SLC36A4: variants seen among roughly 807,000 people sequenced by gnomAD.
The protein encoded by SLC36A4 is solute carrier family 36 member 4, also known as neutral amino acid uniporter 4.
SLC36A4 carries 49 observed loss-of-function variants against 50.5 expected under a neutral mutation model. The ratio of observed to expected loss-of-function variants is 0.97; its 90% CI spans 0.77 to 1.23. The LOEUF (loss-of-function observed/expected upper bound fraction) is 1.23, where lower values mean the gene tolerates loss of function less well. SLC36A4 is among the 50% of genes most tolerant of loss of function. The pLI, the probability that SLC36A4 is intolerant of heterozygous loss-of-function variation, is 0.00. For synonymous variants in SLC36A4, 207 were observed against 206.5 expected (o/e 1.00, Z -0.02); for missense variants, 611 against 608.4 (o/e 1.00, Z -0.05).
chr11:93,196,090 T>C (rs1862409945), intron 1 of SLC36A4, among the ~76,000 whole-genome samples: 1 of 152,214 alleles, frequency 6.6e-6, no homozygotes, highest in African/African-American at 2.4e-5. Flanking sequence ...GCTCAATGAA[T>C]ATGTGTTGAA....
chr11:93,174,468 G>C (rs1355547783), intron 6 of SLC36A4, among the ~76,000 whole-genome samples: 1 of 148,126 alleles, frequency 6.8e-6, no homozygotes, highest in Admixed American at 6.8e-5. Flanking sequence ...GCCCTGGCCA[G>C]AACTTCCAAC....
At chr11:93,184,732 A>T (rs1015366902) in intron 2 of SLC36A4, among the ~76,000 whole-genome samples, 1 of 152,214 alleles carries the variant, frequency 6.6e-6, no homozygotes, top group Non-Finnish European at 1.5e-5. Context: ...TGGATATTAA[A>T]TGACATAGTT....
intron 6 of SLC36A4, among the ~76,000 whole-genome samples, chr11:93,178,244 G>A (rs564904190): frequency 2.0e-5 from 3 of 152,272 alleles, no homozygotes; most frequent in Middle Eastern, 3.4e-3. Context: ...AAGACCGTTG[G>A]AAAAGCGCAT....
intron 6 of SLC36A4, among the ~76,000 whole-genome samples, chr11:93,175,072 G>T (rs1485291001): frequency 4.0e-5 from 6 of 151,678 alleles, no homozygotes; most frequent in Non-Finnish European, 7.4e-5. Flanking sequence ...GAATCCATCT[G>T]GTCCTGGACT....
At position 93,177,753 on chromosome 11, in the gene SLC36A4, C is replaced by T. The variant is rs562702544; in HGVS notation, c.540+3044G>A. On this transcript the variant is annotated intron_variant, in intron 6 of 10. Transcript: ENST00000326402. ...CTGGAAGCTTCGTCTCAGAGGGGGA[C>T]CCGGCTGTATGAGATATCAGTTGGC... Among the ~76,000 whole-genome samples the T allele has an allele frequency of 3.9e-5, 6 of 152,258 alleles. No homozygotes were observed. In the East Asian group the frequency reaches 1.2e-3, roughly 29 times the overall value.
In SLC36A4 at chr11:93,185,732, A is replaced by C; in HGVS notation, c.138T>G (p.Pro46=). The part of the protein sequence containing the change: ...SDEEHEQELL[P]VQKHYQLDDQ... ...CATCAAGTTGGTAATGCTTCTGAAC[A>C]GGCAGAAGCTCTTGCTCATGTTCTT... The change falls in exon 2 of 11, where the codon CCT becomes CCG. Residue 46 remains proline (P), a synonymous_variant. Coordinates refer to ENST00000326402, the MANE Select transcript of SLC36A4 (RefSeq NM_152313.4). The C allele has an allele frequency of 1.2e-6, 2 of 1,606,446 alleles. No individual in the cohort carries two copies. Among genetic ancestry groups the C allele is most frequent in the South Asian group, 2.2e-5 (2 of 89,398 alleles).
intron 9 of SLC36A4, among the ~76,000 whole-genome samples, chr11:93,161,431 C>T (rs1040668891): frequency 1.3e-5 from 2 of 152,108 alleles, no homozygotes; most frequent in Non-Finnish European, 2.9e-5. Context: ...TTTATGTTAG[C>T]TGAAGTTAAA....
chr11:93,150,681 A>G (rs1860046055), intron 10 of SLC36A4, among the ~76,000 whole-genome samples: 1 of 152,068 alleles, frequency 6.6e-6, no homozygotes, highest in South Asian at 2.1e-4. Flanking sequence ...TATTCGTCTA[A>G]TAGATGCTTG....
Position 93,178,529 on chromosome 11 carries a change from G to A in SLC36A4, c.540+2268C>T, listed in dbSNP as rs191718457. ...TCCTATTGGTCATCTTGGAACCGGC[G>A]AGTAGTTTAATTTTTTTTTGCAGCT... is the stretch of plus-strand genomic sequence containing the variant. On this transcript the variant is annotated intron_variant, in intron 6 of 10. Coordinates refer to ENST00000326402, the MANE Select transcript of SLC36A4 (RefSeq NM_152313.4). Among the ~76,000 whole-genome samples the A allele has an allele frequency of 5.3e-4, 81 of 152,268 alleles. 1 individual carries two copies. The East Asian group carries it at 0.015, about 28-fold the overall frequency.
intron 9 of SLC36A4, among the ~76,000 whole-genome samples, chr11:93,156,535 T>A (rs972994986): frequency 1.3e-5 from 2 of 151,908 alleles, no homozygotes; most frequent in African/African-American, 4.8e-5. Flanking sequence ...TTCTCCTGCC[T>A]CAACCTCCCA....
chr11:93,163,777 T>TGTATGTATGTAG (rs1860738524), intron 8 of SLC36A4, among the ~76,000 whole-genome samples: 1 of 151,498 alleles, frequency 6.6e-6, no homozygotes, highest in African/African-American at 2.4e-5. Context: ...AGGATTCTCA[T>TGTATGTATGTAG]GTATGTATGT....
At position 93,146,380 on chromosome 11, in the gene SLC36A4, A is replaced by T. The variant is rs990417019; in HGVS notation, c.*2157T>A. On this transcript the variant is annotated 3_prime_UTR_variant, in exon 11 of 11. Transcript: ENST00000326402. Reference sequence around the variant, plus strand: ...TAAAGTTTTTTAAACATCTAATTCAAGATTATATAATACTAGTTTCAGTGA... The same window carrying T: ...TAAAGTTTTTTAAACATCTAATTCATGATTATATAATACTAGTTTCAGTGA... 1 of 152,016 alleles carries T rather than the reference A, an allele frequency of 6.6e-6. No homozygotes were observed. The highest frequency in any genetic ancestry group is 2.4e-5 in the African/African-American group (1 of 41,458). The allele number at this position is 152,016 out of a possible 1,614,324, so 9.4% of individuals were successfully genotyped here.
chr11:93,186,965 TG>T (rs1237431853), intron 1 of SLC36A4, among the ~76,000 whole-genome samples: 1 of 152,210 alleles, frequency 6.6e-6, no homozygotes, highest in Non-Finnish European at 1.5e-5. Context: ...GTTGCTGGTC[TG>T]GGGACCACAC....
At chr11:93,154,300 T>C (rs761729198) in intron 9 of SLC36A4, 23 bp from the exon 10 acceptor site, 47 of 1,212,496 alleles carry the variant, frequency 3.9e-5, no homozygotes, top group Non-Finnish European at 4.7e-5. Context: ...ATTTTCAAAA[T>C]TTAGTCATTT....
intron 1 of SLC36A4, among the ~76,000 whole-genome samples, chr11:93,193,439 C>T (rs903704165): frequency 6.6e-6 from 1 of 152,040 alleles, no homozygotes; most frequent in Non-Finnish European, 1.5e-5. Context: ...CTGGAAAATG[C>T]TGTGATTATT....
intron 8 of SLC36A4, among the ~76,000 whole-genome samples, chr11:93,165,544 A>T (rs898400729): frequency 6.6e-6 from 1 of 152,010 alleles, no homozygotes; most frequent in African/African-American, 2.4e-5. Context: ...TGGGATATAG[A>T]TTTTTTTTAA....
chr11:93,189,183 C>T (rs1230307060), intron 1 of SLC36A4, among the ~76,000 whole-genome samples: 1 of 151,986 alleles, frequency 6.6e-6, no homozygotes, highest in African/African-American at 2.4e-5. Flanking sequence ...CCTGCCTCAG[C>T]CTCCAGAGTA....
chr11:93,194,381 C>G (rs954877182), intron 1 of SLC36A4, among the ~76,000 whole-genome samples: 12 of 145,748 alleles, frequency 8.2e-5, no homozygotes, highest in African/African-American at 3.0e-4. Context: ...GAATAAAGTA[C>G]TCTCTAGATA....
chr11:93,152,265 T>C (rs767581876), intron 10 of SLC36A4: 84 of 152,106 alleles, frequency 5.5e-4, no homozygotes, highest in Non-Finnish European at 1.1e-3. Context: ...CATGACAAAG[T>C]CCCATCAACT....
Sources: allele counts gnomAD v4.1 joint callset (sites outside exome capture counted in the v4.1 genomes callset), GRCh38; gene constraint gnomAD v4.1.1; transcripts MANE v1.5; gene names NCBI Gene and HGNC (gene_info 2026-07-23, HGNC 2026-07-21).